PRR5: variants seen among roughly 807,000 people sequenced by gnomAD.
The protein encoded by PRR5 is proline-rich protein 5.
Under a neutral mutation model 30.6 loss-of-function variants are expected in PRR5, and 25 were observed. The observed-to-expected ratio is 0.82, with a 90% confidence interval of 0.60 to 1.14. The LOEUF (loss-of-function observed/expected upper bound fraction) is 1.14. PRR5 is among the 50% of genes most tolerant of loss of function. The probability of loss-of-function intolerance (pLI) is 0.00; values close to 1 mark genes in which losing one functional copy is unlikely to be tolerated. For missense variants in PRR5, 600 were observed against 547.1 expected, an observed-to-expected ratio of 1.10 and a Z score of -0.96; for synonymous variants, 286 against 247.1, an observed-to-expected ratio of 1.16 and a Z score of -1.48.
At chr22:44,678,324 C>CT (rs113676116) in intron 1 of PRR5, among the ~76,000 whole-genome samples, 13,757 of 130,610 alleles carry the variant, frequency 0.11, 1,095 homozygotes, top group East Asian at 0.25. Flanking sequence ...TCTGCTGGCT[C>CT]TTTTTTTTTT....
At chr22:44,720,141 G>A (rs974950977) in intron 2 of PRR5, among the ~76,000 whole-genome samples, 1 of 152,232 alleles carries the variant, frequency 6.6e-6, no homozygotes, top group Non-Finnish European at 1.5e-5. Context: ...CCCTTAGGGA[G>A]TGGTCCCCTC....
At chr22:44,707,984 C>T (rs533682259) in intron 1 of PRR5, among the ~76,000 whole-genome samples, 1 of 152,156 alleles carries the variant, frequency 6.6e-6, no homozygotes, top group Admixed American at 6.5e-5. Context: ...ATTCGCTTCT[C>T]ACTCACTCCA....
At chr22:44,734,872 C>T (rs1406438713) in intron 6 of PRR5, 155 bp from the exon 7 acceptor site, 7 of 1,052,814 alleles carry the variant, frequency 6.6e-6, no homozygotes. Flanking sequence ...GCTGGGAGGC[C>T]ACCGTGGGCC....
At chr22:44,701,707 G>C (rs1371796132), upstream of PRR5, among the ~76,000 whole-genome samples, 1 of 152,240 alleles carries the variant, frequency 6.6e-6, no homozygotes, top group African/African-American at 2.4e-5. Context: ...AGGGGGTCTA[G>C]GCTGAGCCCG....
At chr22:44,698,421 C>T (rs138653308), upstream of PRR5, among the ~76,000 whole-genome samples, 277 of 151,424 alleles carry the variant, frequency 1.8e-3, 2 homozygotes, top group African/African-American at 6.2e-3. Flanking sequence ...GTGGGGGCCA[C>T]TCTGGTGGCT....
chr22:44,708,696 G>A (rs183542696), intron 1 of PRR5, among the ~76,000 whole-genome samples: 11 of 152,130 alleles, frequency 7.2e-5, no homozygotes, highest in Non-Finnish European at 4.4e-5. Flanking sequence ...GCCAAACGCC[G>A]TAGCTCATGC....
chr22:44,701,097 G>A (rs1926236503), upstream of PRR5, among the ~76,000 whole-genome samples: 1 of 152,158 alleles, frequency 6.6e-6, no homozygotes, highest in Admixed American at 6.5e-5. Context: ...GGCCGGGCTG[G>A]TCTTGAACTC....
chr22:44,683,265 T>G (rs1924449478), intron 1 of PRR5, among the ~76,000 whole-genome samples: 1 of 152,222 alleles, frequency 6.6e-6, no homozygotes, highest in Non-Finnish European at 1.5e-5. Context: ...AGCCCCTTCC[T>G]GTCATCTGCC....
intron 4 of PRR5, among the ~76,000 whole-genome samples, chr22:44,727,425 G>A (rs1274401697): frequency 4.6e-5 from 7 of 152,210 alleles, no homozygotes; most frequent in Admixed American, 4.6e-4. Flanking sequence ...CCCGTGTGTT[G>A]AGCACCTGTG....
intron 1 of PRR5, among the ~76,000 whole-genome samples, chr22:44,708,827 C>T (rs1272647151): frequency 2.0e-5 from 3 of 151,796 alleles, no homozygotes; most frequent in Non-Finnish European, 2.9e-5. Flanking sequence ...ATTAGCCCAG[C>T]GTGGTGGTGG....
intron 1 of PRR5, chr22:44,668,939 TGCGCGCGTAGGTGCGCGC>T (rs1245702234): frequency 6.8e-6 from 1 of 147,936 alleles, no homozygotes; most frequent in Non-Finnish European, 1.5e-5. Flanking sequence ...CGCGTGTGTG[TGCGCGCGTAGGTGCGCGC>T]GCGCGCGACG....
upstream of PRR5, among the ~76,000 whole-genome samples, chr22:44,699,466 A>G (rs1176108651): frequency 3.3e-5 from 5 of 152,262 alleles, no homozygotes; most frequent in African/African-American, 1.2e-4. Context: ...AGTGGCCATG[A>G]CGGAGATTCT....
intron 2 of PRR5, among the ~76,000 whole-genome samples, chr22:44,723,303 A>G (rs1930217169): frequency 6.6e-6 from 1 of 152,156 alleles, no homozygotes; most frequent in South Asian, 2.1e-4. Context: ...CAGAACATTG[A>G]AAGCTGTTGT....
intron 2 of PRR5, among the ~76,000 whole-genome samples, chr22:44,721,452 A>G (rs1461616818): frequency 1.3e-5 from 2 of 152,218 alleles, no homozygotes; most frequent in Non-Finnish European, 2.9e-5. Context: ...ACCCATCAGA[A>G]GCTGAAGTTA....
At chr22:44,702,183 C>CCCGCCCCCGAGT (rs1555898118), upstream of PRR5, 2 of 938,250 alleles carry the variant, frequency 2.1e-6, no homozygotes, top group Non-Finnish European at 2.6e-6. Flanking sequence ...CGCCCCTGGG[C>CCCGCCCCCGAGT]CCGCCCCCGG....
chr22:44,689,305 T>G (rs1925034210), intron 1 of PRR5, among the ~76,000 whole-genome samples: 1 of 152,210 alleles, frequency 6.6e-6, no homozygotes, highest in Non-Finnish European at 1.5e-5. Context: ...GGAATCCAGC[T>G]TAGCCACCTA....
At chr22:44,732,989 TG>T (rs1922486412) in intron 6 of PRR5, among the ~76,000 whole-genome samples, 1 of 146,392 alleles carries the variant, frequency 6.8e-6, no homozygotes, top group Non-Finnish European at 1.5e-5. Flanking sequence ...CACACATACA[TG>T]TGCGCGCACA....
At chr22:44,670,010 T>C (rs1923332440) in intron 1 of PRR5, among the ~76,000 whole-genome samples, 1 of 152,188 alleles carries the variant, frequency 6.6e-6, no homozygotes, top group South Asian at 2.1e-4. Context: ...AAATGTCAAT[T>C]CCTGGTCCCT....
At chr22:44,673,653 G>C (rs1923549732), upstream of PRR5, among the ~76,000 whole-genome samples, 1 of 152,214 alleles carries the variant, frequency 6.6e-6, no homozygotes, top group Non-Finnish European at 1.5e-5. Flanking sequence ...ATAACGGGGA[G>C]CTCACTACTC....
Sources: allele counts gnomAD v4.1 joint callset (sites outside exome capture counted in the v4.1 genomes callset), GRCh38; gene constraint gnomAD v4.1.1; transcripts MANE v1.5; gene names NCBI Gene and HGNC (gene_info 2026-07-23, HGNC 2026-07-21).